Variants in SYTL3 observed in about 807,000 individuals in gnomAD.
The protein encoded by SYTL3 is synaptotagmin like 3, also known as synaptotagmin-like protein 3.
SYTL3 carries 88 observed loss-of-function variants against 82.1 expected under a neutral mutation model. The observed-to-expected ratio is 1.07, with a 90% CI of 0.90 to 1.28. The LOEUF (loss-of-function observed/expected upper bound fraction) is 1.28, where lower values mean the gene tolerates loss of function less well. Ranked by LOEUF, SYTL3 falls within the 50% of genes most tolerant of loss-of-function variation. The pLI, the probability that SYTL3 is intolerant of heterozygous loss-of-function variation, is 0.00. For synonymous variants in SYTL3, 311 were observed against 289.4 expected, an observed-to-expected ratio of 1.07 and a Z score of -0.76; for missense variants, 831 against 757.6, an observed-to-expected ratio of 1.10 and a Z score of -1.14.
chr6:158,764,602 T>C lies in SYTL3; in HGVS notation c.1831T>C (p.Ter611ArgextTer34). 1.2e-6 allele frequency: 2 copies of C among 1,610,644 alleles called. No homozygotes were observed. Among genetic ancestry groups the C allele is most frequent in the Non-Finnish European group, 1.7e-6 (2 of 1,176,848 alleles). ...GACAGACATGACTCTTGTCCTGCACTGACATGAAGGCCTCAAGGTTCCAGG... is the reference window on the plus strand; with the variant it reads ...GACAGACATGACTCTTGTCCTGCACCGACATGAAGGCCTCAAGGTTCCAGG... Reference protein sequence around the residue: ...LWTDMTLVLH* With the variant: ...LWTDMTLVLHR Residue 611 changes from the stop codon to arginine (R), a stop_lost, in exon 18 of 18, where the codon TGA becomes CGA. Coordinates refer to ENST00000611299, the MANE Select transcript of SYTL3 (RefSeq NM_001242394.2).
Position 158,656,454 on chromosome 6 carries a change from G to A in SYTL3, c.-637+4612G>A, listed in dbSNP as rs1041151512. Among the ~76,000 whole-genome samples the A allele has an allele frequency of 2.6e-5, 4 of 152,188 alleles. No homozygotes were observed. The South Asian group carries it at 6.2e-4, about 24-fold the overall frequency. On this transcript the variant is annotated intron_variant, in intron 2 of 17. Coordinates refer to ENST00000611299, the MANE Select transcript of SYTL3 (RefSeq NM_001242394.2). ...AAAAATGTCATCCTTGGCCGGGTGC[G>A]ATGGCTCACGCCTGTAATCCCAGCA...
intron 5 of SYTL3, among the ~76,000 whole-genome samples, chr6:158,681,416 GCTC>G (rs997252137): frequency 2.6e-5 from 4 of 152,080 alleles, no homozygotes; most frequent in African/African-American, 4.8e-5. Flanking sequence ...GCCAAACAGG[GCTC>G]CTTTCCCATG....
chr6:158,756,272 T>A (rs1789046486), intron 13 of SYTL3, among the ~76,000 whole-genome samples: 2 of 152,216 alleles, frequency 1.3e-5, no homozygotes, highest in African/African-American at 2.4e-5. Context: ...GCCCCCTGTG[T>A]GGACAGTAAG....
rs34189391 is a variant in SYTL3, at chr6:158,722,762, G to GTTTTTTTTTTTTT, written c.721-2727_721-2715dup. Reference sequence around the variant, plus strand: ...AGGAAAAAGATTTTCTCTCTTTTCTGTTTTTTTTTTTTTTTTTTTTTTTTT... The same window carrying GTTTTTTTTTTTTT: ...AGGAAAAAGATTTTCTCTCTTTTCTGTTTTTTTTTTTTTTTTTTTTTTTTTTTTTTTTTTTTTT... On this transcript the variant is annotated intron_variant, in intron 10 of 17. Coordinates refer to ENST00000611299, the MANE Select transcript of SYTL3 (RefSeq NM_001242394.2). Among the ~76,000 whole-genome samples the GTTTTTTTTTTTTT allele has an allele frequency of 1.4e-3, 116 of 80,876 alleles. 13 individuals carry two copies. Among genetic ancestry groups the GTTTTTTTTTTTTT allele is most frequent in the African/African-American group, 6.0e-3 (110 of 18,484 alleles). 53.1% of individuals were successfully genotyped at this position (80,876 alleles called of 152,430 possible).
At chr6:158,746,412 T>C (rs1003641043) in intron 12 of SYTL3, among the ~76,000 whole-genome samples, 2 of 149,408 alleles carry the variant, frequency 1.3e-5, no homozygotes, top group Admixed American at 6.7e-5. Flanking sequence ...TTATTCTCAC[T>C]GACAGACATG....
chr6:158,702,257 C>T (rs1266181775), intron 6 of SYTL3, among the ~76,000 whole-genome samples: 8 of 142,970 alleles, frequency 5.6e-5, no homozygotes, highest in Admixed American at 2.3e-4. Flanking sequence ...ACCCGGGAGG[C>T]GGAGGTTGCA....
At chr6:158,678,937 ACCTG>A (rs1778355352) in intron 5 of SYTL3, among the ~76,000 whole-genome samples, 1 of 152,212 alleles carries the variant, frequency 6.6e-6, no homozygotes. Context: ...TGATTTAATC[ACCTG>A]GGAAGAAGTG....
At chr6:158,651,475 C>T (rs1226100586) in intron 1 of SYTL3, among the ~76,000 whole-genome samples, 3 of 152,036 alleles carry the variant, frequency 2.0e-5, no homozygotes, top group African/African-American at 7.2e-5. Flanking sequence ...GTAGTCCCAG[C>T]TACTCAGGAG....
intron 12 of SYTL3, among the ~76,000 whole-genome samples, chr6:158,751,264 T>C (rs1029237551): frequency 1.1e-4 from 17 of 151,206 alleles, no homozygotes; most frequent in African/African-American, 3.9e-4. Context: ...CTGCTGCTGG[T>C]TGGGGGGTCA....
At chr6:158,711,016 G>A (rs879504293) in intron 8 of SYTL3, among the ~76,000 whole-genome samples, 1 of 152,086 alleles carries the variant, frequency 6.6e-6, no homozygotes, top group Non-Finnish European at 1.5e-5. Flanking sequence ...TCCTGATCTC[G>A]TGATCTGCCC....
intron 11 of SYTL3, among the ~76,000 whole-genome samples, chr6:158,737,230 T>C (rs1224326142): frequency 1.3e-5 from 2 of 152,134 alleles, no homozygotes; most frequent in African/African-American, 4.8e-5. Flanking sequence ...ATTTTACAGA[T>C]GAGGAAGCTG....
chr6:158,707,318 CG>C, intron 7 of SYTL3, 37 bp downstream of exon 7: 1 of 1,602,600 alleles, frequency 6.2e-7, no homozygotes, highest in Non-Finnish European at 8.5e-7. Context: ...CCTGGCCCTC[CG>C]GGGCAGGAGC....
intron 4 of SYTL3, among the ~76,000 whole-genome samples, chr6:158,664,067 G>T (rs1321123170): frequency 6.6e-6 from 1 of 152,160 alleles, no homozygotes; most frequent in Non-Finnish European, 1.5e-5. Flanking sequence ...ACAGGTTGGC[G>T]CTTGTTTATC....
intron 5 of SYTL3, among the ~76,000 whole-genome samples, chr6:158,668,842 C>T (rs368836083): frequency 9.2e-5 from 14 of 151,964 alleles, no homozygotes; most frequent in African/African-American, 3.1e-4. Flanking sequence ...CCAGACAGGT[C>T]GCTTGGCATG....
intron 5 of SYTL3, 83 bp from the exon 6 acceptor site, chr6:158,682,842 C>A: frequency 2.0e-6 from 2 of 1,023,910 alleles, no homozygotes; most frequent in African/African-American, 1.6e-5. Flanking sequence ...TATTTTGTGA[C>A]CTTACCTAAC....
intron 6 of SYTL3, among the ~76,000 whole-genome samples, chr6:158,693,694 T>A (rs750475657): frequency 3.4e-5 from 5 of 147,860 alleles, no homozygotes; most frequent in Non-Finnish European, 5.9e-5. Context: ...TTCTTTCTTT[T>A]CGTTTTCTTT....
At chr6:158,666,293 A>G (rs1489447223) in intron 5 of SYTL3, among the ~76,000 whole-genome samples, 1 of 152,192 alleles carries the variant, frequency 6.6e-6, no homozygotes, top group East Asian at 1.9e-4. Flanking sequence ...CCTGTCTTTA[A>G]TACTCAGCTA....
chr6:158,702,425 T>C (rs116677709), intron 6 of SYTL3, among the ~76,000 whole-genome samples: 4 of 151,390 alleles, frequency 2.6e-5, no homozygotes, highest in Non-Finnish European at 5.9e-5. Context: ...TGGTCTCTTC[T>C]GCCTCCTGGA....
chr6:158,741,527 G>A (rs1173771477), intron 11 of SYTL3, among the ~76,000 whole-genome samples: 1 of 152,160 alleles, frequency 6.6e-6, no homozygotes, highest in Non-Finnish European at 1.5e-5. Flanking sequence ...TAATGGTTTC[G>A]CTGGGATTCA....
Sources: gnomAD v4.1 joint callset for allele counts (sites outside exome capture counted in the v4.1 genomes callset) on GRCh38, gnomAD v4.1.1 for gene constraint, MANE v1.5 for transcripts, NCBI Gene and HGNC (gene_info 2026-07-23, HGNC 2026-07-21) for gene names.